KIAA1217: variants seen among roughly 807,000 people sequenced by gnomAD.
KIAA1217 encodes the protein sickle tail protein homolog.
A neutral mutation model predicts 163.9 loss-of-function variants in KIAA1217; 88 were observed. That is an observed-to-expected ratio of 0.54 (90% CI 0.45 to 0.64). The LOEUF (loss-of-function observed/expected upper bound fraction) is 0.64, where lower values mean the gene tolerates loss of function less well. Among genes scored for constraint, KIAA1217 ranks in the 30% least tolerant of loss-of-function variants. KIAA1217 has a pLI of 0.00. For synonymous variants in KIAA1217, 903 were observed against 923.1 expected (o/e 0.98, Z 0.39); for missense variants, 2,372 against 2,475.0 (o/e 0.96, Z 0.88).
chr10:24,538,332 G>C (rs1296890287), intron 17 of KIAA1217, among the ~76,000 whole-genome samples: 1 of 152,154 alleles, frequency 6.6e-6, no homozygotes, highest in Non-Finnish European at 1.5e-5. Flanking sequence ...GTTAATGGGG[G>C]AAGGGAATCT....
intron 2 of KIAA1217, among the ~76,000 whole-genome samples, chr10:24,176,986 C>G (rs2065923467): frequency 6.6e-6 from 1 of 152,024 alleles, no homozygotes; most frequent in Middle Eastern, 3.2e-3. Context: ...TCCCTCACTG[C>G]CCGGGGCCGG....
Position 23,828,560 on chromosome 10 carries a change from T to A in KIAA1217, c.-321+133326T>A, listed in dbSNP as rs376899196. ...AGTTCTAACCACTTATAACTTTTTG[T>A]CTAAAAGAGGAAGCTGTGTTCCAAA... is the stretch of plus-strand genomic sequence containing the variant. On this transcript the variant is annotated intron_variant, in intron 1 of 18. Coordinates refer to the KIAA1217 transcript ENST00000376462. 7.9e-5 allele frequency among the ~76,000 whole-genome samples: 12 copies of A among 152,344 alleles called. No individual in the cohort carries two copies. The East Asian group carries it at 1.7e-3, about 22-fold the overall frequency.
At position 24,529,954 on chromosome 10, in the gene KIAA1217, C is replaced by T. The variant is rs540650076; in HGVS notation, c.3082+1835C>T. ...CTAGCATTACAGGCACCCACCACCA[C>T]GCCTAGCTAATTTTTGTATTTTTAG... On this transcript the variant is annotated intron_variant, in intron 14 of 20. Coordinates refer to ENST00000376454, the MANE Select transcript of KIAA1217 (RefSeq NM_019590.5). 6.6e-5 allele frequency among the ~76,000 whole-genome samples: 10 copies of T among 151,324 alleles called. No individual in the cohort carries two copies. In the East Asian group the frequency reaches 9.7e-4, roughly 15 times the overall value.
chr10:24,041,545 T>TCCCATA (rs1848633554), intron 2 of KIAA1217, among the ~76,000 whole-genome samples: 1 of 152,274 alleles, frequency 6.6e-6, no homozygotes, highest in African/African-American at 2.4e-5. Flanking sequence ...CACACATACA[T>TCCCATA]ACACATCCCA....
chr10:23,833,659 T>G (rs1054647245), intron 1 of KIAA1217, among the ~76,000 whole-genome samples: 1 of 152,054 alleles, frequency 6.6e-6, no homozygotes, highest in African/African-American at 2.4e-5. Context: ...CTTCTGTCTC[T>G]AGTTTTGTAT....
In KIAA1217 at chr10:24,545,933, C is replaced by A. The variant is rs1349272093; in HGVS notation, c.5441C>A (p.Ser1814Tyr). ...TCTCCCAGCTCTGGGAAAAGCAGTT[C>A]TCTGCCCTCTTCTAGTGGTGACAGC... is the stretch of plus-strand genomic sequence containing the variant. ...ALSPSSGKSS[S>Y]LPSSSGDSSN... Residue 1814 changes from serine to tyrosine, a missense_variant, in exon 21 of 21, where the codon TCT becomes TAT. This residue lies in a region of KIAA1217 where 690 missense variants were observed against 677.5 expected (regional missense o/e 1.02). Transcript: ENST00000376454. The A allele has an allele frequency of 1.2e-6, 2 of 1,614,186 alleles. No individual in the cohort carries two copies. The highest frequency in any genetic ancestry group is 3.3e-5 in the Admixed American group (2 of 60,014).
At chr10:24,215,672 G>A (rs2068720627) in intron 1 of KIAA1217, among the ~76,000 whole-genome samples, 2 of 152,212 alleles carry the variant, frequency 1.3e-5, no homozygotes, top group South Asian at 2.1e-4. Flanking sequence ...GAATGGCAGA[G>A]TTGTTGCTTC....
chr10:23,848,586 A>G (rs760251478), intron 1 of KIAA1217, among the ~76,000 whole-genome samples: 1 of 151,966 alleles, frequency 6.6e-6, no homozygotes, highest in Non-Finnish European at 1.5e-5. Flanking sequence ...TCTGGCCCAA[A>G]TCATGGGTCT....
At chr10:24,138,967 A>G (rs1415794920) in intron 2 of KIAA1217, among the ~76,000 whole-genome samples, 3 of 152,190 alleles carry the variant, frequency 2.0e-5, no homozygotes, top group Non-Finnish European at 4.4e-5. Context: ...GGAAAGAAAT[A>G]TATGTATGTC....
intron 1 of KIAA1217, among the ~76,000 whole-genome samples, chr10:23,790,596 C>T (rs1479788861): frequency 2.8e-5 from 3 of 108,784 alleles, no homozygotes; most frequent in African/African-American, 1.1e-4. Flanking sequence ...TACATATATA[C>T]ATGTACATAT....
intron 9 of KIAA1217, among the ~76,000 whole-genome samples, chr10:24,503,886 T>C (rs747744512): frequency 1.8e-4 from 28 of 152,198 alleles, no homozygotes; most frequent in Admixed American, 1.3e-4. Flanking sequence ...AAGAAAAACA[T>C]ACATATCATT....
At chr10:24,532,278 G>A (rs2073236769) in intron 15 of KIAA1217, among the ~76,000 whole-genome samples, 3 of 152,196 alleles carry the variant, frequency 2.0e-5, no homozygotes, top group African/African-American at 7.2e-5. Flanking sequence ...GAGGGTAGGA[G>A]GGGGAAACGC....
chr10:23,824,351 C>T (rs1005269245), intron 1 of KIAA1217, among the ~76,000 whole-genome samples: 12 of 151,442 alleles, frequency 7.9e-5, no homozygotes, highest in East Asian at 5.9e-4. Flanking sequence ...ATATGTAGGC[C>T]GGGCGCGGTG....
chr10:24,166,665 G>A (rs1292153746), intron 2 of KIAA1217, among the ~76,000 whole-genome samples: 1 of 152,180 alleles, frequency 6.6e-6, no homozygotes, highest in Non-Finnish European at 1.5e-5. Flanking sequence ...TTGAGCCTGG[G>A]AAGTGGAGGT....
intron 5 of KIAA1217, 30 bp downstream of exon 5, chr10:24,438,509 C>T: frequency 1.4e-6 from 2 of 1,440,896 alleles, no homozygotes; most frequent in Non-Finnish European, 2.0e-6. Context: ...TTTTACTTAT[C>T]TTCAGTGGGT....
chr10:24,246,118 T>G (rs1013452478), intron 2 of KIAA1217, among the ~76,000 whole-genome samples: 2 of 152,212 alleles, frequency 1.3e-5, no homozygotes, highest in African/African-American at 4.8e-5. Flanking sequence ...TATGATAAGT[T>G]TTAAGACTAC....
At chr10:23,712,493 G>A (rs1358260841) in intron 1 of KIAA1217, among the ~76,000 whole-genome samples, 1 of 152,052 alleles carries the variant, frequency 6.6e-6, no homozygotes, top group African/African-American at 2.4e-5. Context: ...ATAGGAGACA[G>A]ATGGGAAATT....
chr10:23,744,001 G>A (rs1420924851), intron 1 of KIAA1217, among the ~76,000 whole-genome samples: 1 of 152,174 alleles, frequency 6.6e-6, no homozygotes, highest in African/African-American at 2.4e-5. Context: ...ATTTGGCAGG[G>A]CTGGAAGGAG....
rs532477493 is a variant in KIAA1217 at position 23,717,107 on chromosome 10, G to A, written c.-321+21873G>A. The stretch of plus-strand genomic sequence containing the variant: ...CCTTACTTTGCCCCTTCTCTTCCCA[G>A]CCTGTCTTTTTGAAAGAGTTACCTG... On this transcript the variant is annotated intron_variant, in intron 1 of 18. Transcript: ENST00000376462. Among the ~76,000 whole-genome samples, 25 of 152,112 alleles carry A rather than the reference G, an allele frequency of 1.6e-4. No homozygotes were observed. In the South Asian group the frequency reaches 2.9e-3, roughly 18 times the overall value.
Sources: allele counts gnomAD v4.1 joint callset (sites outside exome capture counted in the v4.1 genomes callset), GRCh38; gene constraint gnomAD v4.1.1; regional missense constraint gnomAD v4.1.1; transcripts MANE v1.5; gene names NCBI Gene and HGNC (gene_info 2026-07-23, HGNC 2026-07-21).